Variants in ANKRD45 observed in about 807,000 individuals in gnomAD.
ANKRD45 encodes the protein ankyrin repeat domain 45.
Under a neutral mutation model 28.1 loss-of-function variants are expected in ANKRD45, and 21 were observed. The ratio of observed to expected loss-of-function variants is 0.75; its 90% CI spans 0.53 to 1.08. The LOEUF (loss-of-function observed/expected upper bound fraction) is 1.08, where lower values mean the gene tolerates loss of function less well. Ranked by LOEUF, ANKRD45 falls within the 50% of genes least tolerant of loss-of-function variation. ANKRD45 has a pLI of 0.00. For missense variants in ANKRD45, 261 were observed against 308.7 expected (o/e 0.85, Z 1.16); for synonymous variants, 86 against 103.9 (o/e 0.83, Z 1.05).
At chr1:173,709,575 T>C in the ANKRD45 span, among the ~76,000 whole-genome samples, 5 of 152,044 alleles carry the variant, frequency 3.3e-5, no homozygotes, top group African/African-American at 4.8e-5. Context: ...TCTTAAAGGC[T>C]GCACACCACA....
At chr1:173,617,141 G>GCAGATGC (rs1667496770) in intron 5 of ANKRD45, among the ~76,000 whole-genome samples, 1 of 152,120 alleles carries the variant, frequency 6.6e-6, no homozygotes, top group African/African-American at 2.4e-5. Flanking sequence ...TCTTGGCAAA[G>GCAGATGC]CAGATGCTCA....
chr1:173,616,893 T>A (rs967607446), intron 5 of ANKRD45, among the ~76,000 whole-genome samples: 1 of 151,810 alleles, frequency 6.6e-6, no homozygotes, highest in Non-Finnish European at 1.5e-5. Context: ...AAAAGTAGAG[T>A]GGGGCAATGG....
chr1:173,675,300 C>T, the ANKRD45 span: 1 of 307,442 alleles, frequency 3.3e-6, no homozygotes, highest in Admixed American at 4.5e-5. Flanking sequence ...CATTATTTTG[C>T]AGGCATGTAG....
intron 5 of ANKRD45, among the ~76,000 whole-genome samples, chr1:173,610,914 T>C (rs1667116767): frequency 6.6e-6 from 1 of 152,136 alleles, no homozygotes; most frequent in Non-Finnish European, 1.5e-5. Context: ...CTCCTCTCCC[T>C]CCAATCCATT....
rs190018228 is a variant in ANKRD45, at chr1:173,613,762, G to A, written c.731-3547C>T. Among the ~76,000 whole-genome samples the A allele has an allele frequency of 1.6e-4, 24 of 152,366 alleles. 2 individuals are homozygous for A. The highest frequency in any genetic ancestry group is 5.5e-4 in the African/African-American group (23 of 41,600). ...CTCTACCCGGCCACCACCCCGTCTG[G>A]GAGGTGTACCCAACAGCTCATTGAG... is the stretch of plus-strand genomic sequence containing the variant. On this transcript the variant is annotated intron_variant, in intron 5 of 5. Transcript: ENST00000333279.
intron 5 of ANKRD45, among the ~76,000 whole-genome samples, chr1:173,620,134 A>G (rs956790875): frequency 4.6e-5 from 7 of 152,194 alleles, no homozygotes; most frequent in African/African-American, 1.7e-4. Context: ...CTCTTCACCC[A>G]AAAACAACAG....
chr1:173,620,329 G>T (rs1667646450), intron 5 of ANKRD45, among the ~76,000 whole-genome samples: 1 of 152,198 alleles, frequency 6.6e-6, no homozygotes, highest in South Asian at 2.1e-4. Context: ...CATGGAAATT[G>T]AACAACCTGC....
intron 5 of ANKRD45, among the ~76,000 whole-genome samples, chr1:173,611,576 TACACACACACACACACACACAC>T (rs57884253): frequency 1.3e-4 from 18 of 133,910 alleles, no homozygotes; most frequent in African/African-American, 4.5e-4. Flanking sequence ...AATACATACA[TACACACACACACACACACACAC>T]ACACACACAC....
upstream of ANKRD45, among the ~76,000 whole-genome samples, chr1:173,670,547 G>A (rs554026043): frequency 1.5e-4 from 23 of 152,170 alleles, no homozygotes; most frequent in African/African-American, 5.1e-4. Flanking sequence ...TGTTTTAGAG[G>A]GGCTCTGAAC....
At chr1:173,671,607 A>G (rs1341577886), upstream of ANKRD45, among the ~76,000 whole-genome samples, 1 of 152,074 alleles carries the variant, frequency 6.6e-6, no homozygotes, top group East Asian at 1.9e-4. Context: ...ACGGTGGCTC[A>G]TGCCTGTAAT....
intron 3 of ANKRD45, among the ~76,000 whole-genome samples, chr1:173,633,637 G>A (rs969704451): frequency 6.6e-5 from 10 of 151,944 alleles, no homozygotes; most frequent in Non-Finnish European, 1.5e-4. Context: ...CATGGGACTG[G>A]CCTAAAAATA....
At position 173,663,161 on chromosome 1, in the gene ANKRD45, G is replaced by A. The variant is rs922671026; in HGVS notation, c.-15-3728C>T. ...AAAGATATAGCTAACTTCCCACACCGGAAGACTAAGAAGCAGGATTCTTCT... is the reference window on the plus strand; with the variant it reads ...AAAGATATAGCTAACTTCCCACACCAGAAGACTAAGAAGCAGGATTCTTCT... On this transcript the variant is annotated intron_variant, in intron 1 of 5. Transcript: ENST00000333279. Among the ~76,000 whole-genome samples the A allele has an allele frequency of 4.6e-5, 7 of 151,398 alleles. No individual in the cohort carries two copies. In the East Asian group the frequency reaches 5.8e-4, roughly 13 times the overall value.
At chr1:173,661,258 T>C (rs1669763620) in intron 1 of ANKRD45, among the ~76,000 whole-genome samples, 1 of 152,056 alleles carries the variant, frequency 6.6e-6, no homozygotes, top group Non-Finnish European at 1.5e-5. Context: ...ATATGTTTAG[T>C]AAAGAATATT....
chr1:173,656,220 C>CTATTTGGCCA (rs1669504893), intron 2 of ANKRD45, among the ~76,000 whole-genome samples: 1 of 152,210 alleles, frequency 6.6e-6, no homozygotes, highest in African/African-American at 2.4e-5. Context: ...GGAGCTGTTC[C>CTATTTGGCCA]TATTTGGCCA....
chr1:173,654,842 A>C (rs1669422432), intron 2 of ANKRD45, among the ~76,000 whole-genome samples: 1 of 151,982 alleles, frequency 6.6e-6, no homozygotes, highest in African/African-American at 2.4e-5. Context: ...TTATTTCATT[A>C]ATTTGATCTT....
At chr1:173,646,753 A>C in intron 3 of ANKRD45, 93 bp downstream of exon 3, 1 of 1,315,428 alleles carries the variant, frequency 7.6e-7, no homozygotes, top group Non-Finnish European at 1.1e-6. Context: ...TCTACAAACA[A>C]AACACTGTGA....
chr1:173,667,792 T>C (rs1231245726), intron 1 of ANKRD45: 1 of 406,130 alleles, frequency 2.5e-6, no homozygotes, highest in Non-Finnish European at 4.7e-6. Context: ...GAAAAAGCTA[T>C]TAAAATACTC....
chr1:173,666,326 C>T (rs1670015864), intron 1 of ANKRD45, among the ~76,000 whole-genome samples: 1 of 152,180 alleles, frequency 6.6e-6, no homozygotes, highest in African/African-American at 2.4e-5. Flanking sequence ...TCCATAATCA[C>T]ATGAACCAAT....
At chr1:173,611,799 A>G (rs1374673221) in intron 5 of ANKRD45, among the ~76,000 whole-genome samples, 1 of 152,236 alleles carries the variant, frequency 6.6e-6, no homozygotes, top group East Asian at 1.9e-4. Flanking sequence ...ACTCAATCCA[A>G]ATAAAGTTTT....
Sources: gnomAD v4.1 joint callset for allele counts (sites outside exome capture counted in the v4.1 genomes callset) on GRCh38, gnomAD v4.1.1 for gene constraint, MANE v1.5 for transcripts, NCBI Gene and HGNC (gene_info 2026-07-23, HGNC 2026-07-21) for gene names.